Variants in LBH observed in about 807,000 individuals in gnomAD.
LBH encodes the protein protein LBH.
Under a neutral mutation model 12.5 loss-of-function variants are expected in LBH, and 7 were observed. The observed-to-expected ratio is 0.56, with a 90% confidence interval of 0.32 to 1.05. LBH has a LOEUF of 1.05. Ranked by LOEUF, LBH falls within the 50% of genes least tolerant of loss-of-function variation. LBH has a pLI of 0.04. For synonymous variants in LBH, 51 were observed against 50.1 expected (o/e 1.02, Z -0.08); for missense variants, 119 against 138.9 (o/e 0.86, Z 0.72).
intron 2 of LBH, among the ~76,000 whole-genome samples, chr2:30,245,423 GA>G (rs140578466): frequency 4.0e-4 from 61 of 152,304 alleles, no homozygotes; most frequent in African/African-American, 1.4e-3. Flanking sequence ...GACTACACTA[GA>G]AGTTCGGAAA....
chr2:30,251,933 GA>G (rs1677986634), intron 2 of LBH, among the ~76,000 whole-genome samples: 1 of 152,130 alleles, frequency 6.6e-6, no homozygotes, highest in African/African-American at 2.4e-5. Flanking sequence ...TCCTGGGCCT[GA>G]GGGTGAGCTT....
In LBH at chr2:30,258,112, TCAC is replaced by T. The variant is rs1320103064; in HGVS notation, c.*492_*494del. The T allele has an allele frequency of 6.5e-6, 1 of 154,868 alleles. No homozygotes were observed. The highest frequency in any genetic ancestry group is 2.4e-5 in the African/African-American group (1 of 41,438). 9.6% of individuals were successfully genotyped at this position (154,868 alleles called of 1,614,324 possible). A position where few individuals can be genotyped will look rare whatever the true frequency, so the allele number is the denominator to read the frequency against. On this transcript the variant is annotated 3_prime_UTR_variant, in exon 3 of 3. Coordinates refer to ENST00000395323, the MANE Select transcript of LBH (RefSeq NM_030915.4). ...CAGCCAGGATGCGCTCAGCAGACAT[TCAC>T]TCTGGCTGCTGGGACATCAGAAAAC...
intron 2 of LBH, among the ~76,000 whole-genome samples, chr2:30,239,121 C>T (rs1677741592): frequency 2.6e-5 from 4 of 152,088 alleles, no homozygotes; most frequent in Admixed American, 2.6e-4. Flanking sequence ...TTGTCAGAAG[C>T]AGCAACTCAT....
At chr2:30,255,253 C>CCACCCAAGAAATGAGGACG (rs904292673) in intron 2 of LBH, among the ~76,000 whole-genome samples, 4 of 152,138 alleles carry the variant, frequency 2.6e-5, no homozygotes, top group African/African-American at 9.7e-5. Flanking sequence ...GGCTCTGGCC[C>CCACCCAAGAAATGAGGACG]CACCCAAGAA....
intron 2 of LBH, among the ~76,000 whole-genome samples, chr2:30,240,409 T>G (rs1677771139): frequency 6.6e-6 from 1 of 152,134 alleles, no homozygotes; most frequent in South Asian, 2.1e-4. Context: ...GAAATGATCT[T>G]GCAGGCCTGA....
chr2:30,246,837 T>C (rs1677881087), intron 2 of LBH, among the ~76,000 whole-genome samples: 2 of 141,068 alleles, frequency 1.4e-5, no homozygotes, highest in Non-Finnish European at 3.1e-5. Flanking sequence ...CCTTTCTTTC[T>C]TTCTTTCAGC....
At chr2:30,245,035 G>A (rs2103559689) in intron 2 of LBH, among the ~76,000 whole-genome samples, 1 of 152,244 alleles carries the variant, frequency 6.6e-6, no homozygotes, top group South Asian at 2.1e-4. Flanking sequence ...AATTAACAAA[G>A]CCTTAAAGTA....
chr2:30,254,627 C>T (rs987112781), intron 2 of LBH, among the ~76,000 whole-genome samples: 11 of 152,040 alleles, frequency 7.2e-5, no homozygotes, highest in African/African-American at 2.7e-4. Context: ...CCCCTCCCCC[C>T]CTCCTCCTTT....
chr2:30,240,006 A>G lies in LBH; in HGVS notation c.129+5499A>G, dbSNP rs996884308. On this transcript the variant is annotated intron_variant, in intron 2 of 2. Transcript: ENST00000395323. ...TTTCCCAGCCAACACGTTGCATACT[A>G]GGGCCATACATCCCGGCCTCCTCTC... is the stretch of plus-strand genomic sequence containing the variant. Among the ~76,000 whole-genome samples the G allele has an allele frequency of 5.9e-5, 9 of 152,278 alleles. No homozygotes were observed. In the East Asian group the frequency reaches 9.7e-4, roughly 16 times the overall value.
chr2:30,237,859 G>T (rs775111739), intron 2 of LBH, among the ~76,000 whole-genome samples: 1 of 152,162 alleles, frequency 6.6e-6, no homozygotes, highest in Non-Finnish European at 1.5e-5. Flanking sequence ...GTGAGTAAAT[G>T]GTTGCTAGAA....
intron 2 of LBH, among the ~76,000 whole-genome samples, chr2:30,244,050 G>A (rs1677834454): frequency 6.6e-6 from 1 of 152,184 alleles, no homozygotes; most frequent in Non-Finnish European, 1.5e-5. Context: ...TTCCATTTAT[G>A]TAGTGGTAGA....
intron 1 of LBH, 103 bp downstream of exon 1, chr2:30,231,867 C>A (rs1677591440): frequency 1.9e-6 from 2 of 1,076,844 alleles, no homozygotes; most frequent in Non-Finnish European, 2.4e-6. Flanking sequence ...GCCGGCGGCG[C>A]GGGCGCTCAG....
rs1392140492 is a variant in LBH at position 30,239,237 on chromosome 2, TC to T, written c.129+4732del. The stretch of plus-strand genomic sequence containing the variant: ...TGCTGAGCCTCTCTTGATGGAGACC[TC>T]CTGAGCCTGGCTTCACTCTGCCGGT... On this transcript the variant is annotated intron_variant, in intron 2 of 2. Coordinates refer to ENST00000395323, the MANE Select transcript of LBH (RefSeq NM_030915.4). Among the ~76,000 whole-genome samples the T allele has an allele frequency of 7.2e-5, 11 of 152,280 alleles. No homozygotes were observed. The Middle Eastern group carries it at 0.01, about 141-fold the overall frequency.
Position 30,259,036 on chromosome 2 carries a change from C to T in LBH, c.*1415C>T, listed in dbSNP as rs917476684. 2.6e-5 allele frequency: 4 copies of T among 152,484 alleles called. No individual in the cohort carries two copies. Among genetic ancestry groups the T allele is most frequent in the Non-Finnish European group, 1.5e-5 (1 of 67,992 alleles). The allele number at this position is 152,484 out of a possible 1,614,324, so 9.4% of individuals were successfully genotyped here. On this transcript the variant is annotated 3_prime_UTR_variant, in exon 3 of 3. Transcript: ENST00000395323. ...CCATCTGAAGCAGCAGGTTGCAGGA[C>T]AAATGCTTCAGTCCGCCGAGAGCAG...
chr2:30,249,432 A>G lies in LBH; in HGVS notation c.130-8001A>G, dbSNP rs369286271. 1.4e-4 allele frequency among the ~76,000 whole-genome samples: 21 copies of G among 152,298 alleles called. No individual in the cohort carries two copies. In the East Asian group the frequency reaches 4.1e-3, roughly 29 times the overall value. ...AAGGAAGGAACACACAAGGCAATTC[A>G]TTGTTGTTCTCCAGGAGAAGTAAGA... On this transcript the variant is annotated intron_variant, in intron 2 of 2. Transcript: ENST00000395323.
In LBH at chr2:30,259,872, T is replaced by A. The variant is rs1466544905; in HGVS notation, c.*2251T>A. The A allele has an allele frequency of 6.6e-6, 1 of 152,448 alleles. No individual in the cohort carries two copies. The highest frequency in any genetic ancestry group is 2.4e-5 in the African/African-American group (1 of 41,370). 9.4% of individuals were successfully genotyped at this position (152,448 alleles called of 1,614,324 possible). On this transcript the variant is annotated 3_prime_UTR_variant, in exon 3 of 3. Coordinates refer to ENST00000395323, the MANE Select transcript of LBH (RefSeq NM_030915.4). ...TTTCTAACTGATTGTATTGAAAAAA[T>A]TCCTAGTATTTCAGTAAAAATGCCT...
intron 1 of LBH, chr2:30,234,149 A>T: frequency 6.6e-6 from 3 of 454,528 alleles, no homozygotes; most frequent in Non-Finnish European, 1.2e-5. Flanking sequence ...TGGGGACTAG[A>T]GTACAGGAGA....
intron 2 of LBH, among the ~76,000 whole-genome samples, chr2:30,237,381 G>C (rs1677706506): frequency 1.3e-5 from 2 of 152,200 alleles, no homozygotes; most frequent in Admixed American, 6.5e-5. Context: ...CTCTGTACCA[G>C]CTGTGACGTT....
intron 2 of LBH, among the ~76,000 whole-genome samples, chr2:30,253,934 T>C (rs1270903601): frequency 6.6e-6 from 1 of 152,200 alleles, no homozygotes. Context: ...ACCTGGGTTG[T>C]GTGGCTTAAC....
Sources: allele counts gnomAD v4.1 joint callset (sites outside exome capture counted in the v4.1 genomes callset), GRCh38; gene constraint gnomAD v4.1.1; transcripts MANE v1.5; gene names NCBI Gene and HGNC (gene_info 2026-07-23, HGNC 2026-07-21).